Variants in NDUFAF7 observed in about 807,000 individuals in gnomAD.
The protein encoded by NDUFAF7 is NADH:ubiquinone oxidoreductase complex assembly factor 7.
NDUFAF7 carries 48 observed loss-of-function variants against 47.2 expected under a neutral mutation model. The observed-to-expected ratio is 1.02, with a 90% CI of 0.81 to 1.29. The LOEUF (loss-of-function observed/expected upper bound fraction) is 1.29, where lower values mean the gene tolerates loss of function less well. Among genes scored for constraint, NDUFAF7 ranks in the 50% most tolerant of loss-of-function variants. The pLI is 0.00. For synonymous variants in NDUFAF7, 217 were observed against 190.0 expected (o/e 1.14, Z -1.17); for missense variants, 635 against 537.6 (o/e 1.18, Z -1.79).
chr2:37,256,563 T>G (rs996657841), downstream of NDUFAF7: 17 of 1,351,098 alleles, frequency 1.3e-5, no homozygotes, highest in African/African-American at 2.5e-4. Context: ...ACTAAAAAGA[T>G]AAGTTGCAAG....
chr2:37,268,359 T>G, the NDUFAF7 span: 12 of 470,906 alleles, frequency 2.5e-5, no homozygotes, highest in African/African-American at 8.0e-5. Context: ...TAACTACTCT[T>G]AAAACTGACA....
At chr2:37,262,478 C>T in the NDUFAF7 span, among the ~76,000 whole-genome samples, 1 of 152,096 alleles carries the variant, frequency 6.6e-6, no homozygotes, top group Non-Finnish European at 1.5e-5. Flanking sequence ...TCATTTTAAA[C>T]CCATTTTATG....
intron 4 of NDUFAF7, 117 bp from the exon 5 acceptor site, chr2:37,241,461 C>G: frequency 2.3e-6 from 2 of 861,852 alleles, no homozygotes; most frequent in Non-Finnish European, 3.7e-6. Flanking sequence ...GGGTAAGGAA[C>G]ACATCTCTCT....
the NDUFAF7 span, among the ~76,000 whole-genome samples, chr2:37,271,193 C>T: frequency 6.6e-6 from 1 of 152,168 alleles, no homozygotes; most frequent in African/African-American, 2.4e-5. Context: ...TTATATATAA[C>T]AATTTAACAA....
the NDUFAF7 span, chr2:37,260,523 A>C: frequency 2.0e-5 from 16 of 801,212 alleles, no homozygotes; most frequent in Non-Finnish European, 3.0e-5. Flanking sequence ...TAAAAATTAC[A>C]ATCAATGAAA....
chr2:37,248,210 A>G lies in NDUFAF7; in HGVS notation c.1186A>G (p.Lys396Glu). 1 of 1,613,956 alleles carries G rather than the reference A, an allele frequency of 6.2e-7. No individual in the cohort carries two copies. Among genetic ancestry groups the G allele is most frequent in the South Asian group, 1.1e-5 (1 of 91,084 alleles). The part of the protein sequence containing the change: ...LQGYDMLMNP[K>E]KMGERFNFFA... ...AGGATATGATATGTTAATGAATCCA[A>G]AGAAGATGGGAGAGAGATTTAACTT... is the stretch of plus-strand genomic sequence containing the variant. Residue 396 changes from lysine (K) to glutamate (E), a missense_variant, in exon 10 of 10, where the codon AAG (lysine) becomes GAG (glutamate). By Grantham distance (56) the Lys-to-Glu change is moderately conservative (BLOSUM62 1). Transcript: ENST00000002125.
the NDUFAF7 span, among the ~76,000 whole-genome samples, chr2:37,262,007 T>C: frequency 6.6e-6 from 1 of 152,222 alleles, no homozygotes; most frequent in Non-Finnish European, 1.5e-5. Context: ...TGTAGGCTAA[T>C]GTAAGCGACT....
At chr2:37,239,062 G>C (rs1666088723) in intron 4 of NDUFAF7, among the ~76,000 whole-genome samples, 1 of 151,528 alleles carries the variant, frequency 6.6e-6, no homozygotes, top group Admixed American at 6.6e-5. Context: ...TGGATCAATG[G>C]CAACTCTCAT....
Position 37,247,462 on chromosome 2 carries a change from T to C in NDUFAF7, c.943T>C (p.Cys315Arg). Residue 315 changes from cysteine to arginine, a missense_variant, in exon 9 of 10, where the codon TGC becomes CGC. Coordinates refer to ENST00000002125, the MANE Select transcript of NDUFAF7 (RefSeq NM_144736.5). ...TGATTTCTTTATGTTCAAGGGGTTT[T>C]GCGACCACAAGCTTCATGATGTCTT... ...GTKTDTFRGFCDHKLHDVLIA... is the reference protein window; with the variant it reads ...GTKTDTFRGFRDHKLHDVLIA... 3 of 1,614,014 alleles carry C rather than the reference T, an allele frequency of 1.9e-6. No homozygotes were observed. Among genetic ancestry groups the C allele is most frequent in the South Asian group, 2.2e-5 (2 of 91,080 alleles).
At chr2:37,234,771 A>T (rs1665578510) in intron 2 of NDUFAF7, among the ~76,000 whole-genome samples, 1 of 152,072 alleles carries the variant, frequency 6.6e-6, no homozygotes, top group African/African-American at 2.4e-5. Flanking sequence ...AGGCGGAGGG[A>T]TTAGGTTTGG....
chr2:37,268,719 C>T, the NDUFAF7 span: 1 of 171,374 alleles, frequency 5.8e-6, no homozygotes, highest in Non-Finnish European at 1.2e-5. Context: ...GGAGAAGGAG[C>T]AGAGAGGCAA....
At chr2:37,268,014 TAAAA>T in the NDUFAF7 span, 1 of 190,426 alleles carries the variant, frequency 5.3e-6, no homozygotes, top group Non-Finnish European at 1.1e-5. Context: ...ATCTAGATAT[TAAAA>T]AAAGGTAGAA....
At position 37,246,112 on chromosome 2, in the gene NDUFAF7, C is replaced by G. The variant is rs1191615570; in HGVS notation, c.853C>G (p.Leu285Val). 6.2e-7 allele frequency: 1 copy of G among 1,613,924 alleles called. No individual in the cohort carries two copies. Among genetic ancestry groups the G allele is most frequent in the South Asian group, 1.1e-5 (1 of 91,084 alleles). The change falls in exon 8 of 10, where the codon CTT (leucine) becomes GTT (valine). Residue 285 changes from leucine (L) to valine (V), a missense_variant. Physicochemically the swap from Leu to Val is conservative, Grantham distance 32. Transcript: ENST00000002125. ...CPDAGVIIEE[L>V]SQRIALTGGA... ...TGATGCTGGTGTTATCATCGAGGAACTTTCTCAACGCATTGCATTAACTGG... is the reference window on the plus strand; with the variant it reads ...TGATGCTGGTGTTATCATCGAGGAAGTTTCTCAACGCATTGCATTAACTGG...
chr2:37,242,554 C>T (rs912954770), intron 5 of NDUFAF7, 81 bp from the exon 6 acceptor site: 35 of 1,126,680 alleles, frequency 3.1e-5, no homozygotes, highest in Middle Eastern at 2.5e-4. Context: ...AGGAAGTAGG[C>T]ATTTTTTTTA....
At chr2:37,257,666 CAAAAGAAAAAA>C (rs749076801), downstream of NDUFAF7, among the ~76,000 whole-genome samples, 4,574 of 62,326 alleles carry the variant, frequency 0.073, 117 homozygotes, top group Admixed American at 0.14. Context: ...GACTCTGTCT[CAAAAGAAAAAA>C]AAAAAAAAAA....
intron 8 of NDUFAF7, 167 bp from the exon 9 acceptor site, chr2:37,247,289 T>C: frequency 1.3e-6 from 1 of 751,244 alleles, no homozygotes; most frequent in Non-Finnish European, 2.3e-6. Flanking sequence ...GGTTGATGCA[T>C]ATACTTTGTA....
Position 37,247,516 on chromosome 2 carries a change from G to A in NDUFAF7, c.997G>A (p.Ala333Thr), listed in dbSNP as rs1667056384. ...TGCCCCAGGAACAGCAGATCTAACA[G>A]CTGATGTGGACTTCAGTTATTTGCG... is the stretch of plus-strand genomic sequence containing the variant. ...LIAPGTADLT[A>T]DVDFSYLRRM... Residue 333 changes from alanine (A) to threonine (T), a missense_variant, in exon 9 of 10, where the codon GCT becomes ACT. Ala to Thr is a moderately conservative substitution (Grantham distance 58, BLOSUM62 0). Coordinates refer to ENST00000002125, the MANE Select transcript of NDUFAF7 (RefSeq NM_144736.5). 1 of 1,613,910 alleles carries A rather than the reference G, an allele frequency of 6.2e-7. No homozygotes were observed. The highest frequency in any genetic ancestry group is 1.3e-5 in the African/African-American group (1 of 74,900).
At chr2:37,234,178 C>T (rs1229087331) in intron 2 of NDUFAF7, among the ~76,000 whole-genome samples, 1 of 152,214 alleles carries the variant, frequency 6.6e-6, no homozygotes, top group African/African-American at 2.4e-5. Context: ...CAACCTCCAC[C>T]TTCAAGGTTC....
chr2:37,266,489 CTT>C, the NDUFAF7 span, among the ~76,000 whole-genome samples: 1 of 129,816 alleles, frequency 7.7e-6, no homozygotes. Context: ...CCACACCCGG[CTT>C]TTTTTTTTTT....
Sources: allele counts gnomAD v4.1 joint callset (sites outside exome capture counted in the v4.1 genomes callset), GRCh38; gene constraint gnomAD v4.1.1; transcripts MANE v1.5; gene names NCBI Gene and HGNC (gene_info 2026-07-23, HGNC 2026-07-21).